RBM6: variants seen among roughly 807,000 people sequenced by gnomAD.
RBM6 encodes the protein RNA binding motif protein 6, also known as RNA-binding protein 6.
RBM6 carries 23 observed loss-of-function variants against 140.4 expected under a neutral mutation model. The observed-to-expected ratio is 0.16, with a 90% confidence interval of 0.12 to 0.23. The LOEUF (loss-of-function observed/expected upper bound fraction) is 0.23. Ranked by LOEUF, RBM6 falls within the 10% of genes least tolerant of loss-of-function variation. The pLI, the probability that RBM6 is intolerant of heterozygous loss-of-function variation, is 1.00. For synonymous variants in RBM6, 439 were observed against 475.6 expected (o/e 0.92, Z 1.00); for missense variants, 1,139 against 1,386.7 (o/e 0.82, Z 2.84).
At chr3:50,011,897 A>G (rs775312714) in intron 6 of RBM6, among the ~76,000 whole-genome samples, 4 of 150,668 alleles carry the variant, frequency 2.7e-5, no homozygotes, top group Non-Finnish European at 4.4e-5. Flanking sequence ...CTGTTGCCCA[A>G]GCTGAGTGCA....
chr3:50,070,387 G>A lies in RBM6; in HGVS notation c.3019-68G>A, dbSNP rs879160411. 3.7e-6 allele frequency: 4 copies of A among 1,093,144 alleles called. No individual in the cohort carries two copies. In the South Asian group the frequency reaches 3.7e-5, roughly 10 times the overall value. The allele number at this position is 1,093,144 out of a possible 1,614,324, so 67.7% of individuals were successfully genotyped here. A position where few individuals can be genotyped will look rare whatever the true frequency, so the allele number is the denominator to read the frequency against. ...AAATAATAATAATAACAGCAATGGG[G>A]TAGAATTTCCCCACTCCCCAATTCC... On this transcript the variant is annotated intron_variant, in intron 18 of 20. Coordinates refer to ENST00000266022, the MANE Select transcript of RBM6 (RefSeq NM_005777.3).
chr3:49,960,972 C>T (rs544544632), intron 1 of RBM6, among the ~76,000 whole-genome samples: 22 of 144,232 alleles, frequency 1.5e-4, no homozygotes, highest in African/African-American at 5.2e-4. Flanking sequence ...TGCAGTGGTG[C>T]GATCTTGGCT....
chr3:50,038,751 TGAACCCAGGAGGAAGAGCTTGC>T (rs1559617662), intron 6 of RBM6, among the ~76,000 whole-genome samples: 1 of 152,102 alleles, frequency 6.6e-6, no homozygotes, highest in African/African-American at 2.4e-5. Flanking sequence ...GAGAATGGCG[TGAACCCAGGAGGAAGAGCTTGC>T]AGTGAGCCGA....
chr3:49,982,262 CTTTTTTT>C (rs751604271), intron 5 of RBM6, among the ~76,000 whole-genome samples: 2,108 of 68,318 alleles, frequency 0.031, 8 homozygotes, highest in Non-Finnish European at 0.038. Flanking sequence ...CTTTTCTTTT[CTTTTTTT>C]TTTTTTTTTT....
chr3:49,958,222 G>A (rs558378054), intron 1 of RBM6, among the ~76,000 whole-genome samples: 7 of 152,014 alleles, frequency 4.6e-5, no homozygotes, highest in South Asian at 2.1e-4. Context: ...TCAGGAGATC[G>A]AGACCATCCT....
At chr3:50,044,991 C>T (rs2089148489) in intron 6 of RBM6, among the ~76,000 whole-genome samples, 1 of 152,168 alleles carries the variant, frequency 6.6e-6, no homozygotes, top group African/African-American at 2.4e-5. Flanking sequence ...TGGTCACTGT[C>T]CTATGTCTAA....
At chr3:50,014,644 G>C (rs1429632143) in intron 6 of RBM6, among the ~76,000 whole-genome samples, 1 of 152,122 alleles carries the variant, frequency 6.6e-6, no homozygotes, top group African/African-American at 2.4e-5. Context: ...TGCTGATATA[G>C]TTAAGGGGAC....
intron 5 of RBM6, among the ~76,000 whole-genome samples, chr3:49,979,836 ATAG>A (rs1042162737): frequency 3.3e-5 from 5 of 152,132 alleles, no homozygotes; most frequent in Admixed American, 6.6e-5. Flanking sequence ...GGGATTGGAA[ATAG>A]TGGTGGCCAG....
chr3:49,993,946 T>TA (rs925910101), intron 5 of RBM6, among the ~76,000 whole-genome samples: 4 of 151,444 alleles, frequency 2.6e-5, no homozygotes, highest in South Asian at 2.1e-4. Flanking sequence ...CCATCTCAAA[T>TA]AAAAAAAAAG....
chr3:49,997,361 T>C (rs2086133533), intron 5 of RBM6, among the ~76,000 whole-genome samples: 1 of 152,226 alleles, frequency 6.6e-6, no homozygotes, highest in Admixed American at 6.5e-5. Context: ...ATGTTTTCTG[T>C]ATCTTTTTCT....
chr3:50,020,538 C>T (rs537483444), intron 6 of RBM6, among the ~76,000 whole-genome samples: 6 of 152,202 alleles, frequency 3.9e-5, no homozygotes, highest in Admixed American at 2.6e-4. Flanking sequence ...TTTTGTGTAT[C>T]GCACAAATTT....
At position 50,070,901 on chromosome 3, in the gene RBM6, G is replaced by A. The variant is rs2090280152; in HGVS notation, c.3116+349G>A. Among the ~76,000 whole-genome samples the A allele has an allele frequency of 2.0e-5, 3 of 152,272 alleles. No individual in the cohort carries two copies. The South Asian group carries it at 6.2e-4, about 32-fold the overall frequency. On this transcript the variant is annotated intron_variant, in intron 19 of 20. Coordinates refer to ENST00000266022, the MANE Select transcript of RBM6 (RefSeq NM_005777.3). ...TAGGGAACCTCCATTCTCACACATA[G>A]GTGCTAAATAAATGGTTGGCTGCTG...
chr3:50,046,926 G>A (rs1245626972), intron 6 of RBM6, among the ~76,000 whole-genome samples: 1 of 152,102 alleles, frequency 6.6e-6, no homozygotes, highest in Non-Finnish European at 1.5e-5. Context: ...TATTTCATCG[G>A]ATCATTTAGG....
chr3:50,025,078 G>T (rs1172771091), intron 6 of RBM6, among the ~76,000 whole-genome samples: 1 of 150,496 alleles, frequency 6.6e-6, no homozygotes, highest in East Asian at 1.9e-4. Context: ...GATGGACTGT[G>T]GGTTTTTTTT....
intron 3 of RBM6, 106 bp from the exon 4 acceptor site, chr3:49,971,953 T>A: frequency 1.3e-6 from 1 of 797,544 alleles, no homozygotes; most frequent in Non-Finnish European, 2.1e-6. Context: ...TATCTTCACG[T>A]GACATGTCAT....
rs748528505 is a variant in RBM6 at position 50,075,262 on chromosome 3, C to G, written c.3178C>G (p.Gln1060Glu). 6.2e-7 allele frequency: 1 copy of G among 1,614,098 alleles called. No homozygotes were observed. The highest frequency in any genetic ancestry group is 1.1e-5 in the South Asian group (1 of 91,084). The change falls in exon 20 of 21, where the codon CAG becomes GAG. Residue 1060 changes from glutamine (Q) to glutamate (E), a missense_variant. Coordinates refer to ENST00000266022, the MANE Select transcript of RBM6 (RefSeq NM_005777.3). ...DTSSKGGCVQ[Q>E]ATGWRKGTGL... Reference sequence around the variant, plus strand: ...TAGCAGCAAAGGAGGCTGTGTCCAACAGGCTACTGGCTGGAGGAAAGGGAC... The same window carrying G: ...TAGCAGCAAAGGAGGCTGTGTCCAAGAGGCTACTGGCTGGAGGAAAGGGAC...
intron 1 of RBM6, 30 bp from the exon 2 acceptor site, chr3:49,962,546 G>A (rs1333336382): frequency 1.9e-6 from 2 of 1,073,554 alleles, no homozygotes; most frequent in Non-Finnish European, 2.7e-6. Flanking sequence ...ACATTCTAAA[G>A]TACTAATTTT....
chr3:49,981,391 T>C (rs1481501891), intron 5 of RBM6, among the ~76,000 whole-genome samples: 3 of 152,182 alleles, frequency 2.0e-5, no homozygotes, highest in Non-Finnish European at 2.9e-5. Context: ...TCAGAAACTC[T>C]GGGGTGGGGC....
rs1329639500 is a variant in RBM6, at chr3:49,962,685, G to A, written c.44G>A (p.Arg15His). The A allele has an allele frequency of 7.6e-6, 12 of 1,569,256 alleles. No homozygotes were observed. The highest frequency in any genetic ancestry group is 2.8e-5 in the African/African-American group (2 of 71,620). ...CCTGCTAACAGAACTGGACCTTTTCGGTAAGTTCTCAAATTTGAATATTGA... is the reference window on the plus strand; with the variant it reads ...CCTGCTAACAGAACTGGACCTTTTCAGTAAGTTCTCAAATTTGAATATTGA... ...SRPANRTGPF[R>H]GSQEERFAPG... Residue 15 changes from arginine (R) to histidine (H), a missense_variant and splice_region_variant, in exon 2 of 21, where the codon CGT becomes CAT. This residue lies in a region of RBM6 where 566 missense variants were observed against 612.7 expected (regional missense o/e 0.92). Transcript: ENST00000266022.
Sources: allele counts gnomAD v4.1 joint callset (sites outside exome capture counted in the v4.1 genomes callset), GRCh38; gene constraint gnomAD v4.1.1; regional missense constraint gnomAD v4.1.1; transcripts MANE v1.5; gene names NCBI Gene and HGNC (gene_info 2026-07-23, HGNC 2026-07-21).